The following MED15 variants were observed in gnomAD, a reference collection of about 807,000 sequenced individuals.
The protein encoded by MED15 is mediator complex subunit 15.
MED15 carries 41 observed loss-of-function variants against 118.7 expected under a neutral mutation model. That is an observed-to-expected ratio of 0.35 (90% confidence interval 0.27 to 0.45). MED15 has a LOEUF of 0.45. Ranked by LOEUF, MED15 falls within the 20% of genes least tolerant of loss-of-function variation. MED15 has a pLI of 1.00. For missense variants in MED15, 740 were observed against 1,025.5 expected (o/e 0.72, Z 3.80); for synonymous variants, 436 against 413.9 (o/e 1.05, Z -0.65).
At chr22:20,553,259 C>T (rs1601562570) in intron 4 of MED15, 85 bp downstream of exon 4, 1 of 1,346,350 alleles carries the variant, frequency 7.4e-7, no homozygotes, top group African/African-American at 1.5e-5. Context: ...CCTCATGTGC[C>T]TGGGTTAACC....
intron 1 of MED15, among the ~76,000 whole-genome samples, chr22:20,509,916 GT>G (rs1601422255): frequency 6.6e-6 from 1 of 152,152 alleles, no homozygotes. Flanking sequence ...TAGGGGAAGT[GT>G]TAAGAGGGCT....
At chr22:20,558,798 C>T (rs971034220) in intron 5 of MED15, among the ~76,000 whole-genome samples, 6 of 152,014 alleles carry the variant, frequency 3.9e-5, no homozygotes, top group Non-Finnish European at 5.9e-5. Flanking sequence ...GGAGCAGGTG[C>T]GGATTGGAGG....
chr22:20,547,134 A>G (rs949064876), intron 2 of MED15, among the ~76,000 whole-genome samples: 1 of 152,190 alleles, frequency 6.6e-6, no homozygotes, highest in African/African-American at 2.4e-5. Context: ...CTTTACTTTA[A>G]AATCATTTCA....
chr22:20,581,412 T>A (rs1036191331), intron 9 of MED15, among the ~76,000 whole-genome samples: 11 of 151,958 alleles, frequency 7.2e-5, no homozygotes, highest in Non-Finnish European at 1.3e-4. Context: ...TGGAAGTGCT[T>A]GGGGGGTGGT....
intron 9 of MED15, among the ~76,000 whole-genome samples, chr22:20,578,070 G>A (rs892195594): frequency 5.9e-5 from 9 of 151,968 alleles, no homozygotes; most frequent in East Asian, 1.9e-4. Flanking sequence ...GACTACAGGC[G>A]CCTGCCACCA....
chr22:20,552,782 C>A (rs955245524), intron 3 of MED15: 5 of 284,866 alleles, frequency 1.8e-5, no homozygotes, highest in Middle Eastern at 1.3e-3. Context: ...CACTCCAGCC[C>A]CGCCGTGGGT....
chr22:20,541,934 C>T (rs137870605), intron 2 of MED15, among the ~76,000 whole-genome samples: 17,150 of 152,086 alleles, frequency 0.11, 1,280 homozygotes, highest in Non-Finnish European at 0.15. Flanking sequence ...AGGTGTGAGC[C>T]GCTGCACCCA....
chr22:20,551,546 G>A (rs368054234), intron 3 of MED15, 59 bp downstream of exon 3: 475 of 1,505,842 alleles, frequency 3.2e-4, no homozygotes, highest in Non-Finnish European at 4.0e-4. Flanking sequence ...CAGCCCTGAC[G>A]CTGCCTCGGC....
chr22:20,521,475 C>G (rs1336980762), intron 1 of MED15, among the ~76,000 whole-genome samples: 1 of 151,462 alleles, frequency 6.6e-6, no homozygotes, highest in African/African-American at 2.4e-5. Context: ...TGGCTCACTG[C>G]AAGCTCTGCC....
intron 1 of MED15, among the ~76,000 whole-genome samples, chr22:20,533,227 G>A (rs1357677927): frequency 6.6e-6 from 1 of 152,172 alleles, no homozygotes; most frequent in African/African-American, 2.4e-5. Context: ...CTCAGCAGGA[G>A]TGTGAAATGG....
chr22:20,557,182 G>A (rs1011666858), intron 5 of MED15, among the ~76,000 whole-genome samples: 2 of 152,112 alleles, frequency 1.3e-5, no homozygotes, highest in Admixed American at 6.6e-5. Flanking sequence ...AGCTGCTAAG[G>A]AGAACTGGAG....
intron 3 of MED15, 116 bp downstream of exon 3, chr22:20,551,603 C>T (rs1347285970): frequency 4.2e-6 from 4 of 952,648 alleles, no homozygotes; most frequent in East Asian, 4.8e-5. Context: ...AGGTCTGTGT[C>T]ACCTCACTTG....
In MED15 at chr22:20,586,988, G is replaced by A. The variant is rs1344408679; in HGVS notation, c.*284G>A. 1.9e-5 allele frequency: 10 copies of A among 517,824 alleles called. 1 individual carries two copies. Among genetic ancestry groups the A allele is most frequent in the East Asian group, 3.3e-5 (1 of 30,704 alleles). 32.1% of individuals were successfully genotyped at this position (517,824 alleles called of 1,614,324 possible). On this transcript the variant is annotated 3_prime_UTR_variant, in exon 18 of 18. Coordinates refer to ENST00000263205, the MANE Select transcript of MED15 (RefSeq NM_001003891.3). ...ATGCGATCCTCAGGCTGCTCTCACC[G>A]TGGCCTGTCCACGGTCCAGGTCCAT... is the stretch of plus-strand genomic sequence containing the variant.
At chr22:20,559,626 C>T (rs1212688437) in intron 5 of MED15, among the ~76,000 whole-genome samples, 6 of 152,002 alleles carry the variant, frequency 3.9e-5, no homozygotes, top group Non-Finnish European at 5.9e-5. Context: ...GCAGTTCCTG[C>T]AAAGGAGCAA....
chr22:20,510,551 C>T (rs975664724), intron 1 of MED15, among the ~76,000 whole-genome samples: 2 of 152,166 alleles, frequency 1.3e-5, no homozygotes, highest in Non-Finnish European at 2.9e-5. Context: ...AACTTGCTTG[C>T]AAGCCCATTT....
chr22:20,574,999 C>T, intron 8 of MED15, 114 bp from the exon 9 acceptor site: 1 of 1,515,036 alleles, frequency 6.6e-7, no homozygotes, highest in Non-Finnish European at 8.9e-7. Flanking sequence ...GCTGCCCAAG[C>T]TTTCCTTGCC....
chr22:20,543,904 G>T (rs2055422612), intron 2 of MED15, among the ~76,000 whole-genome samples: 1 of 152,162 alleles, frequency 6.6e-6, no homozygotes, highest in Non-Finnish European at 1.5e-5. Flanking sequence ...TCAGCTAAAT[G>T]TGCAAACTTA....
rs748654463 is a variant in MED15 at position 20,583,097 on chromosome 22, C to T, written c.1538-16C>T. Reference sequence around the variant, plus strand: ...GAGGGTCGAGGGCTGTGGCCTCACCCGCCTGTGTCCTGCAGTGAACCCCAG... The same window carrying T: ...GAGGGTCGAGGGCTGTGGCCTCACCTGCCTGTGTCCTGCAGTGAACCCCAG... On this transcript the variant is annotated splice_polypyrimidine_tract_variant and intron_variant, in intron 11 of 17. Transcript: ENST00000263205. The T allele has an allele frequency of 7.0e-6, 11 of 1,574,174 alleles. No homozygotes were observed. The highest frequency in any genetic ancestry group is 2.3e-5 in the East Asian group (1 of 44,340).
chr22:20,560,965 C>T (rs1440302985), intron 5 of MED15, among the ~76,000 whole-genome samples: 2 of 151,996 alleles, frequency 1.3e-5, no homozygotes, highest in African/African-American at 2.4e-5. Flanking sequence ...GGAGATAGAG[C>T]GTGAATATCG....
Sources: allele counts gnomAD v4.1 joint callset (sites outside exome capture counted in the v4.1 genomes callset), GRCh38; gene constraint gnomAD v4.1.1; transcripts MANE v1.5; gene names NCBI Gene and HGNC (gene_info 2026-07-23, HGNC 2026-07-21).